Variants in STARD13 observed in about 807,000 individuals in gnomAD.
STARD13 encodes the protein StAR related lipid transfer domain containing 13.
STARD13 carries 62 observed loss-of-function variants against 106.4 expected under a neutral mutation model. That is an observed-to-expected ratio of 0.58 (90% CI 0.48 to 0.72). STARD13 has a LOEUF of 0.72. Ranked by LOEUF, STARD13 falls within the 30% of genes least tolerant of loss-of-function variation. The probability of loss-of-function intolerance (pLI) is 0.00; values close to 1 mark genes in which losing one functional copy is unlikely to be tolerated. For missense variants in STARD13, 1,387 were observed against 1,424.0 expected (o/e 0.97, Z 0.42); for synonymous variants, 565 against 553.0 (o/e 1.02, Z -0.31).
intron 1 of STARD13, among the ~76,000 whole-genome samples, chr13:33,193,614 G>A (rs1728768396): frequency 2.0e-5 from 3 of 152,188 alleles, no homozygotes; most frequent in Admixed American, 2.0e-4. Context: ...ACCAGCGACA[G>A]TGTCAGGATT....
Position 33,312,338 on chromosome 13 carries a change from A to G in STARD13, c.124+37952T>C, listed in dbSNP as rs79081461. On this transcript the variant is annotated intron_variant, in intron 1 of 5. Coordinates refer to the STARD13 transcript ENST00000567873. ...CAATCCTGGGTTCTAGATGCCACCT[A>G]GCTGGGGAAGATAGTCTTTCAAGTT... Among the ~76,000 whole-genome samples the G allele has an allele frequency of 1.6e-4, 24 of 152,262 alleles. No homozygotes were observed. The East Asian group carries it at 4.4e-3, about 28-fold the overall frequency.
chr13:33,447,058 T>C, the STARD13 span, among the ~76,000 whole-genome samples: 1 of 152,200 alleles, frequency 6.6e-6, no homozygotes, highest in South Asian at 2.1e-4. Context: ...AGAAAGGAAT[T>C]CATTAAATTT....
intron 1 of STARD13, among the ~76,000 whole-genome samples, chr13:33,297,645 C>G (rs764075418): frequency 6.7e-6 from 1 of 150,252 alleles, no homozygotes; most frequent in African/African-American, 2.4e-5. Context: ...TTAGAAGAAA[C>G]TGCACCAAAA....
the STARD13 span, among the ~76,000 whole-genome samples, chr13:33,622,264 T>C: frequency 6.6e-6 from 1 of 152,148 alleles, no homozygotes; most frequent in Admixed American, 6.5e-5. Flanking sequence ...ACATTAGAAA[T>C]GAAGACCACC....
intron 2 of STARD13, among the ~76,000 whole-genome samples, chr13:33,166,586 T>A (rs1594020155): frequency 2.0e-5 from 3 of 152,132 alleles, no homozygotes; most frequent in Admixed American, 2.0e-4. Context: ...ACCTGCTCAT[T>A]GTTGGGGTCC....
chr13:33,152,174 A>C (rs2147811), intron 3 of STARD13, among the ~76,000 whole-genome samples: 123,452 of 152,114 alleles, frequency 0.81, 50,369 homozygotes, highest in African/African-American at 0.89. Flanking sequence ...CTGGAGAATT[A>C]CAGTGGTTAA....
At chr13:33,485,129 A>T in the STARD13 span, among the ~76,000 whole-genome samples, 6 of 152,194 alleles carry the variant, frequency 3.9e-5, no homozygotes, top group Admixed American at 2.0e-4. Flanking sequence ...TTTCTCTCAA[A>T]CTCCTACTTG....
At chr13:33,115,885 T>C (rs538184919) in intron 8 of STARD13, among the ~76,000 whole-genome samples, 15 of 152,334 alleles carry the variant, frequency 9.8e-5, no homozygotes, top group Admixed American at 5.2e-4. Context: ...GGAAAGCCAA[T>C]AGAGGCTGAC....
At chr13:33,396,039 G>A in the STARD13 span, among the ~76,000 whole-genome samples, 2 of 151,892 alleles carry the variant, frequency 1.3e-5, no homozygotes, top group Admixed American at 1.3e-4. Flanking sequence ...TTTGGTAGAG[G>A]TGAGGTCTCA....
intron 1 of STARD13, chr13:33,185,779 G>C (rs952462606): frequency 5.6e-5 from 67 of 1,188,888 alleles, no homozygotes; most frequent in Non-Finnish European, 7.4e-5. Context: ...TGTCCTTCCA[G>C]ACCACCTGAC....
At chr13:33,409,398 A>G in the STARD13 span, among the ~76,000 whole-genome samples, 3 of 152,246 alleles carry the variant, frequency 2.0e-5, no homozygotes, top group Non-Finnish European at 4.4e-5. Flanking sequence ...GAGCTACAGT[A>G]TACACTGAAA....
At position 33,177,854 on chromosome 13, in the gene STARD13, GAAGGAAGGAAGGAAGGAAGGA is replaced by G. The variant is rs1884758213; in HGVS notation, c.170-10253_170-10233del. On this transcript the variant is annotated intron_variant, in intron 1 of 13. Coordinates refer to ENST00000336934, the MANE Select transcript of STARD13 (RefSeq NM_178006.4). ...GAAGGAAGGAAGGAAAGGAAGGAAG[GAAGGAAGGAAGGAAGGAAGGA>G]AAGGAAGGAAGGAAGGAAGGAAGGA... Among the ~76,000 whole-genome samples the G allele has an allele frequency of 8.1e-4, 11 of 13,522 alleles. 1 individual carries two copies. In the African/African-American group the frequency reaches 8.5e-3, roughly 10 times the overall value. The allele number at this position is 13,522 out of a possible 152,430, so 8.9% of individuals were successfully genotyped here.
At chr13:33,552,928 A>G in the STARD13 span, among the ~76,000 whole-genome samples, 3 of 152,176 alleles carry the variant, frequency 2.0e-5, no homozygotes, top group African/African-American at 7.2e-5. Context: ...AATATTTTGA[A>G]AGGAAGAGAA....
chr13:33,626,687 G>A, the STARD13 span, among the ~76,000 whole-genome samples: 1 of 152,310 alleles, frequency 6.6e-6, no homozygotes, highest in Non-Finnish European at 1.5e-5. Context: ...TAAGAAACAT[G>A]TCATCCACTC....
chr13:33,628,134 T>G, the STARD13 span, among the ~76,000 whole-genome samples: 2 of 132,644 alleles, frequency 1.5e-5, no homozygotes, highest in Non-Finnish European at 3.1e-5. Flanking sequence ...ATTCCTGGAC[T>G]CTCTCTCTTG....
At chr13:33,533,195 C>T in the STARD13 span, among the ~76,000 whole-genome samples, 7 of 152,238 alleles carry the variant, frequency 4.6e-5, no homozygotes, top group East Asian at 9.6e-4. Flanking sequence ...TCTTTTCCCC[C>T]AGTCCTTTCT....
intron 1 of STARD13, among the ~76,000 whole-genome samples, chr13:33,200,354 T>C (rs1356425998): frequency 1.3e-5 from 2 of 152,208 alleles, no homozygotes; most frequent in African/African-American, 4.8e-5. Context: ...CATCTGTATG[T>C]GGAAGCCCTT....
chr13:33,241,738 C>T (rs140397133), intron 1 of STARD13, among the ~76,000 whole-genome samples: 2,351 of 152,226 alleles, frequency 0.015, 25 homozygotes, highest in Non-Finnish European at 0.023. Context: ...GATGGGGTTT[C>T]GCAGTGTTGG....
the STARD13 span, among the ~76,000 whole-genome samples, chr13:33,556,140 A>G: frequency 6.6e-6 from 1 of 152,240 alleles, no homozygotes; most frequent in Non-Finnish European, 1.5e-5. Context: ...TCTTATGGAA[A>G]AATTCATAAG....
Sources: gnomAD v4.1 joint callset for allele counts (sites outside exome capture counted in the v4.1 genomes callset) on GRCh38, gnomAD v4.1.1 for gene constraint, MANE v1.5 for transcripts, NCBI Gene and HGNC (gene_info 2026-07-23, HGNC 2026-07-21) for gene names.